NDUFAF2: variants seen among roughly 807,000 people sequenced by gnomAD.
The protein encoded by NDUFAF2 is NADH dehydrogenase [ubiquinone] 1 alpha subcomplex assembly factor 2.
A neutral mutation model predicts 22.8 loss-of-function variants in NDUFAF2; 13 were observed. The ratio of observed to expected loss-of-function variants is 0.57; its 90% CI spans 0.37 to 0.91. The LOEUF (loss-of-function observed/expected upper bound fraction) is 0.91, where lower values mean the gene tolerates loss of function less well. NDUFAF2 is among the 40% of genes least tolerant of loss of function. NDUFAF2 has a pLI of 0.01. For synonymous variants in NDUFAF2, 53 were observed against 64.2 expected (o/e 0.83, Z 0.84); for missense variants, 162 against 195.2 (o/e 0.83, Z 1.01).
chr5:61,104,109 G>A (rs1473872679), intron 3 of NDUFAF2, among the ~76,000 whole-genome samples: 1 of 152,000 alleles, frequency 6.6e-6, no homozygotes, highest in Non-Finnish European at 1.5e-5. Context: ...TTTCAATTTT[G>A]TGATGGGTTT....
intron 2 of NDUFAF2, among the ~76,000 whole-genome samples, chr5:61,075,773 TAACTC>T (rs1165303762): frequency 2.0e-5 from 3 of 152,144 alleles, no homozygotes; most frequent in Non-Finnish European, 4.4e-5. Context: ...ATGTGAAAAA[TAACTC>T]AGCACCATGA....
At chr5:60,962,321 A>G (rs914252250) in intron 1 of NDUFAF2, among the ~76,000 whole-genome samples, 4 of 152,088 alleles carry the variant, frequency 2.6e-5, no homozygotes, top group African/African-American at 9.7e-5. Context: ...AGCATCATCA[A>G]GTTTTCTAAA....
chr5:61,080,018 T>C (rs1272142113), intron 2 of NDUFAF2, among the ~76,000 whole-genome samples: 2 of 152,214 alleles, frequency 1.3e-5, no homozygotes, highest in Non-Finnish European at 2.9e-5. Flanking sequence ...TTTATGTAAT[T>C]TGTCCTTGTT....
At chr5:60,980,600 T>C (rs566985007) in intron 1 of NDUFAF2, among the ~76,000 whole-genome samples, 78 of 152,186 alleles carry the variant, frequency 5.1e-4, no homozygotes, top group African/African-American at 1.8e-3. Context: ...GGTAAAACCC[T>C]GTCTCTACTA....
At chr5:60,963,820 T>G (rs986388037) in intron 1 of NDUFAF2, among the ~76,000 whole-genome samples, 3 of 151,752 alleles carry the variant, frequency 2.0e-5, no homozygotes, top group African/African-American at 4.8e-5. Context: ...CTGTAGAGAG[T>G]GGGTTGAAAT....
At chr5:61,004,096 G>T (rs181995612) in intron 1 of NDUFAF2, among the ~76,000 whole-genome samples, 1 of 151,772 alleles carries the variant, frequency 6.6e-6, no homozygotes, top group East Asian at 1.9e-4. Context: ...AAATATTTGT[G>T]CCTTTATAGT....
At chr5:61,072,803 T>C (rs971194798) in intron 1 of NDUFAF2, among the ~76,000 whole-genome samples, 20 of 152,288 alleles carry the variant, frequency 1.3e-4, no homozygotes, top group Middle Eastern at 6.8e-3. Flanking sequence ...GGTTTCACCA[T>C]GTTGCCCAGG....
chr5:60,985,553 C>T (rs1561534770), intron 1 of NDUFAF2, among the ~76,000 whole-genome samples: 1 of 152,208 alleles, frequency 6.6e-6, no homozygotes, highest in Non-Finnish European at 1.5e-5. Flanking sequence ...TTTCCGTCTA[C>T]ACACTGCTTT....
intron 3 of NDUFAF2, among the ~76,000 whole-genome samples, chr5:61,150,840 T>C (rs1180889028): frequency 6.6e-6 from 1 of 152,194 alleles, no homozygotes; most frequent in African/African-American, 2.4e-5. Flanking sequence ...CTATTTCCAG[T>C]ATGATATTGA....
chr5:61,035,368 T>A (rs149261105), intron 1 of NDUFAF2, among the ~76,000 whole-genome samples: 3 of 149,546 alleles, frequency 2.0e-5, no homozygotes, highest in African/African-American at 7.4e-5. Flanking sequence ...ACCCAGCCAA[T>A]AGTGTATTTT....
chr5:61,016,704 A>G (rs1056150900), intron 1 of NDUFAF2, among the ~76,000 whole-genome samples: 1 of 152,190 alleles, frequency 6.6e-6, no homozygotes, highest in African/African-American at 2.4e-5. Context: ...TGAGGATCCC[A>G]GATCAAGTGC....
chr5:61,103,216 A>G lies in NDUFAF2; in HGVS notation c.258+4184A>G, dbSNP rs773012018. 5.9e-5 allele frequency among the ~76,000 whole-genome samples: 9 copies of G among 152,144 alleles called. No individual in the cohort carries two copies. In the Middle Eastern group the frequency reaches 0.014, roughly 230 times the overall value. ...TGATTTGGGCCCAGCCCGACTTTCT[A>G]GCTTTGTCTCCTTAGGCTACCCTAC... is the stretch of plus-strand genomic sequence containing the variant. On this transcript the variant is annotated intron_variant, in intron 3 of 3. Coordinates refer to ENST00000296597, the MANE Select transcript of NDUFAF2 (RefSeq NM_174889.5).
At chr5:61,125,115 T>A (rs746336546) in intron 3 of NDUFAF2, among the ~76,000 whole-genome samples, 1 of 152,058 alleles carries the variant, frequency 6.6e-6, no homozygotes, top group Non-Finnish European at 1.5e-5. Context: ...AGGATTACAA[T>A]TGAACATCAG....
chr5:61,116,920 G>A (rs1752919599), intron 3 of NDUFAF2, among the ~76,000 whole-genome samples: 4 of 152,016 alleles, frequency 2.6e-5, no homozygotes, highest in South Asian at 2.1e-4. Flanking sequence ...CTGAATTATC[G>A]ATAAGTACAT....
At chr5:61,025,011 A>G (rs1751631903) in intron 1 of NDUFAF2, among the ~76,000 whole-genome samples, 1 of 152,028 alleles carries the variant, frequency 6.6e-6, no homozygotes, top group Admixed American at 6.6e-5. Context: ...CTTAGAAACT[A>G]CAGCTCTTTT....
intron 1 of NDUFAF2, among the ~76,000 whole-genome samples, chr5:61,072,356 A>G (rs1752310588): frequency 6.6e-6 from 1 of 152,208 alleles, no homozygotes; most frequent in South Asian, 2.1e-4. Flanking sequence ...TTGCCAGTGT[A>G]TTAGGGAGAG....
At chr5:60,982,886 A>G (rs1751006502) in intron 1 of NDUFAF2, among the ~76,000 whole-genome samples, 1 of 152,064 alleles carries the variant, frequency 6.6e-6, no homozygotes, top group Non-Finnish European at 1.5e-5. Flanking sequence ...TTAGAGAAGC[A>G]TGATTCGTAA....
intron 3 of NDUFAF2, among the ~76,000 whole-genome samples, chr5:61,103,990 T>G (rs552128888): frequency 6.6e-6 from 1 of 152,282 alleles, no homozygotes; most frequent in East Asian, 1.9e-4. Context: ...AAGATAATTT[T>G]GCCCAACTGT....
intron 1 of NDUFAF2, among the ~76,000 whole-genome samples, chr5:60,985,814 A>T (rs559514701): frequency 7.9e-5 from 12 of 152,214 alleles, no homozygotes; most frequent in African/African-American, 2.9e-4. Context: ...CCTATAATTC[A>T]ATCACCTCCC....
Sources: gnomAD v4.1 joint callset for allele counts (sites outside exome capture counted in the v4.1 genomes callset) on GRCh38, gnomAD v4.1.1 for gene constraint, MANE v1.5 for transcripts, NCBI Gene and HGNC (gene_info 2026-07-23, HGNC 2026-07-21) for gene names.